Variants in PPIG observed in about 807,000 individuals in gnomAD.
PPIG encodes peptidylprolyl isomerase G.
A neutral mutation model predicts 87.9 loss-of-function variants in PPIG; 26 were observed. The observed-to-expected ratio is 0.30, with a 90% CI of 0.22 to 0.41. The LOEUF is 0.41. PPIG is among the 10% of genes least tolerant of loss of function. The pLI, the probability that PPIG is intolerant of heterozygous loss-of-function variation, is 1.00. For synonymous variants in PPIG, 308 were observed against 276.5 expected (o/e 1.11, Z -1.13); for missense variants, 722 against 879.4 (o/e 0.82, Z 2.26).
chr2:169,596,758 G>C (rs1685029134), intron 1 of PPIG, among the ~76,000 whole-genome samples: 2 of 151,938 alleles, frequency 1.3e-5, no homozygotes, highest in Non-Finnish European at 2.9e-5. Context: ...GGAGTGTTGT[G>C]GCGCAATCTC....
chr2:169,624,052 G>A (rs904129710), intron 9 of PPIG, among the ~76,000 whole-genome samples: 1 of 151,836 alleles, frequency 6.6e-6, no homozygotes, highest in Non-Finnish European at 1.5e-5. Flanking sequence ...CTGCAACCTC[G>A]AACTCCTGGG....
At chr2:169,596,614 C>T (rs1205588711) in intron 1 of PPIG, among the ~76,000 whole-genome samples, 1 of 152,178 alleles carries the variant, frequency 6.6e-6, no homozygotes, top group Non-Finnish European at 1.5e-5. Flanking sequence ...AAATTGAAGA[C>T]TTGAAGGCTC....
chr2:169,590,065 C>CA (rs1482458110), intron 1 of PPIG, among the ~76,000 whole-genome samples: 1 of 151,130 alleles, frequency 6.6e-6, no homozygotes, highest in East Asian at 1.9e-4. Context: ...GCTGAGATTG[C>CA]ACCATTGCAC....
intron 1 of PPIG, among the ~76,000 whole-genome samples, chr2:169,592,058 C>T (rs1684879546): frequency 6.7e-6 from 1 of 149,712 alleles, no homozygotes; most frequent in Admixed American, 6.8e-5. Flanking sequence ...TCCCAAGTAG[C>T]TGGGACCACA....
Position 169,636,707 on chromosome 2 carries a change from G to T in PPIG, c.1449G>T (p.Lys483Asn). 1 of 1,611,056 alleles carries T rather than the reference G, an allele frequency of 6.2e-7. No individual in the cohort carries two copies. The highest frequency in any genetic ancestry group is 8.5e-7 in the Non-Finnish European group (1 of 1,179,342). The change falls in exon 14 of 14, where the codon AAG (lysine) becomes AAT (asparagine). Residue 483 changes from lysine to asparagine, a missense_variant. Physicochemically the swap from Lys to Asn is moderately conservative, Grantham distance 94 (BLOSUM62 0). Around this residue, in one of 4 missense-constraint regions of PPIG, gnomAD observed 476 missense variants for 483.1 expected, o/e 0.99. Coordinates refer to ENST00000260970, the MANE Select transcript of PPIG (RefSeq NM_004792.3). ...CAAAACATAATAGAAATGAAGAAAA[G>T]AGGATGAGGTCAAGGAGTAAAGGAA... ...RDSKHNRNEE[K>N]RMRSRSKGRD... is the part of the protein sequence containing the mutation.
At chr2:169,600,684 AAAG>A (rs1044623236) in intron 1 of PPIG, among the ~76,000 whole-genome samples, 29 of 152,256 alleles carry the variant, frequency 1.9e-4, no homozygotes, top group African/African-American at 6.5e-4. Context: ...AAATAAGAAA[AAAG>A]AAAAAAATAT....
At chr2:169,624,881 C>T (rs771298958) in intron 9 of PPIG, among the ~76,000 whole-genome samples, 2 of 152,260 alleles carry the variant, frequency 1.3e-5, no homozygotes, top group South Asian at 2.1e-4. Context: ...TGAGCCACCG[C>T]GCCCAGCCGG....
chr2:169,592,801 T>A (rs1684905373), intron 1 of PPIG, among the ~76,000 whole-genome samples: 1 of 152,202 alleles, frequency 6.6e-6, no homozygotes, highest in Non-Finnish European at 1.5e-5. Context: ...TGTTTCTGAT[T>A]AGTAATTAGT....
intron 10 of PPIG, 168 bp from the exon 11 acceptor site, chr2:169,631,598 G>T: frequency 7.2e-7 from 1 of 1,393,970 alleles, no homozygotes; most frequent in Non-Finnish European, 9.2e-7. Context: ...TGATTGGTTA[G>T]TTGGTTTGTC....
intron 1 of PPIG, among the ~76,000 whole-genome samples, chr2:169,587,114 G>A (rs1352085375): frequency 6.6e-6 from 1 of 151,952 alleles, no homozygotes; most frequent in African/African-American, 2.4e-5. Flanking sequence ...TATATTTTTA[G>A]TAGAGAAGGG....
At chr2:169,621,945 T>C (rs1218155447) in intron 9 of PPIG, among the ~76,000 whole-genome samples, 2 of 150,368 alleles carry the variant, frequency 1.3e-5, no homozygotes, top group African/African-American at 4.9e-5. Flanking sequence ...AAAAAAAATT[T>C]TTTTTTAATT....
At chr2:169,599,921 A>AT (rs900998860) in intron 1 of PPIG, among the ~76,000 whole-genome samples, 1 of 151,970 alleles carries the variant, frequency 6.6e-6, no homozygotes, top group African/African-American at 2.4e-5. Context: ...AATAGAAATA[A>AT]TTTTTTTCAT....
chr2:169,615,802 G>T (rs1002534351), intron 9 of PPIG, among the ~76,000 whole-genome samples: 1 of 152,094 alleles, frequency 6.6e-6, no homozygotes, highest in African/African-American at 2.4e-5. Context: ...ATTTCCTTTG[G>T]ATATATACCC....
At position 169,638,035 on chromosome 2, in the gene PPIG, A is replaced by G. The variant is rs1427585267; in HGVS notation, c.*512A>G. ...ATCTTAAATCATCACTTTTGATTTT[A>G]TAGTAATTTGTGCTTTAAAATAGAT... On this transcript the variant is annotated 3_prime_UTR_variant, in exon 14 of 14. Coordinates refer to ENST00000260970, the MANE Select transcript of PPIG (RefSeq NM_004792.3). 4 of 152,258 alleles carry G rather than the reference A, an allele frequency of 2.6e-5. No individual in the cohort carries two copies. The highest frequency in any genetic ancestry group is 2.6e-4 in the Admixed American group (4 of 15,264). The allele number at this position is 152,258 out of a possible 1,614,324, so 9.4% of individuals were successfully genotyped here.
intron 9 of PPIG, among the ~76,000 whole-genome samples, chr2:169,615,838 G>C (rs1174170098): frequency 6.6e-6 from 1 of 152,074 alleles, no homozygotes; most frequent in Admixed American, 6.6e-5. Context: ...GGATCATATA[G>C]AAGTTCTATT....
intron 11 of PPIG, among the ~76,000 whole-genome samples, chr2:169,632,295 GT>G (rs1395726316): frequency 6.6e-6 from 1 of 152,152 alleles, no homozygotes; most frequent in Non-Finnish European, 1.5e-5. Flanking sequence ...TGGTTTTTCA[GT>G]TTGTCTAATA....
In PPIG at chr2:169,637,467, AAT is replaced by A; in HGVS notation, c.2211_2212del (p.Asn737LysfsTer4). ...AGAAAATGACCATGTACATGAAAAAAATAAAAAATTTGATCATGAATCAAGCC... is the reference window on the plus strand; with the variant it reads ...AGAAAATGACCATGTACATGAAAAAAAAAAAATTTGATCATGAATCAAGCC... ...GQENDHVHEK[N>X]KKFDHESSPG... is the part of the protein sequence containing the mutation. On this transcript the variant is annotated frameshift_variant, in exon 14 of 14. Transcript: ENST00000260970. LOFTEE classifies it high-confidence loss of function. The A allele has an allele frequency of 6.2e-7, 1 of 1,604,238 alleles. No individual in the cohort carries two copies. Among genetic ancestry groups the A allele is most frequent in the Non-Finnish European group, 8.5e-7 (1 of 1,177,902 alleles).
At chr2:169,613,411 T>C (rs1193282032) in intron 7 of PPIG, among the ~76,000 whole-genome samples, 1 of 149,108 alleles carries the variant, frequency 6.7e-6, no homozygotes, top group African/African-American at 2.5e-5. Context: ...CTAATAGCTT[T>C]TTGATAAGGT....
At chr2:169,589,608 CCTTT>C (rs1414688735) in intron 1 of PPIG, among the ~76,000 whole-genome samples, 34 of 152,024 alleles carry the variant, frequency 2.2e-4, no homozygotes, top group African/African-American at 8.2e-4. Flanking sequence ...TAAGAATAAT[CCTTT>C]CTTTCTTGGT....
Sources: gnomAD v4.1 joint callset for allele counts (sites outside exome capture counted in the v4.1 genomes callset) on GRCh38, gnomAD v4.1.1 for gene constraint, gnomAD v4.1.1 regional missense constraint, MANE v1.5 for transcripts, NCBI Gene and HGNC (gene_info 2026-07-23, HGNC 2026-07-21) for gene names.